The following PTPRT variants were observed in gnomAD, a reference collection of about 807,000 sequenced individuals.
PTPRT encodes receptor-type tyrosine-protein phosphatase T.
PTPRT carries 56 observed loss-of-function variants against 176.8 expected under a neutral mutation model. The observed-to-expected ratio is 0.32, with a 90% CI of 0.26 to 0.40. The LOEUF (loss-of-function observed/expected upper bound fraction) is 0.40. PTPRT is among the 10% of genes least tolerant of loss of function. The pLI, the probability that PTPRT is intolerant of heterozygous loss-of-function variation, is 1.00. For missense variants in PTPRT, 1,540 were observed against 1,908.2 expected (o/e 0.81, Z 3.60); for synonymous variants, 783 against 739.0 (o/e 1.06, Z -0.96).
At chr20:43,115,304 C>A (rs937810428) in intron 1 of PTPRT, among the ~76,000 whole-genome samples, 1 of 152,222 alleles carries the variant, frequency 6.6e-6, no homozygotes, top group African/African-American at 2.4e-5. Context: ...AGACCTTCAG[C>A]TGGGGAGCAA....
intron 7 of PTPRT, among the ~76,000 whole-genome samples, chr20:42,633,939 TAA>T (rs2074490292): frequency 3.8e-5 from 2 of 52,716 alleles, no homozygotes; most frequent in African/African-American, 7.6e-5. Context: ...TATAATAATA[TAA>T]TATAATATAT....
At chr20:43,165,192 CTT>C (rs2014823367) in intron 1 of PTPRT, among the ~76,000 whole-genome samples, 1 of 145,398 alleles carries the variant, frequency 6.9e-6, no homozygotes, top group Non-Finnish European at 1.5e-5. Flanking sequence ...GAGTTTTGCT[CTT>C]GTCACCCAGG....
chr20:42,032,379 T>C, the PTPRT span, among the ~76,000 whole-genome samples: 1 of 152,138 alleles, frequency 6.6e-6, no homozygotes, highest in African/African-American at 2.4e-5. Flanking sequence ...CGAACAAACT[T>C]ATTTCAAGGA....
intron 11 of PTPRT, among the ~76,000 whole-genome samples, chr20:42,323,394 A>C (rs2057832931): frequency 6.6e-6 from 1 of 152,196 alleles, no homozygotes; most frequent in African/African-American, 2.4e-5. Flanking sequence ...GATTAAGAAA[A>C]TGTGGCACAT....
chr20:42,681,655 C>A (rs1315475937), intron 6 of PTPRT, among the ~76,000 whole-genome samples: 5 of 152,286 alleles, frequency 3.3e-5, no homozygotes, highest in South Asian at 4.1e-4. Context: ...GGCACAGACA[C>A]AATCTTGGCT....
intron 7 of PTPRT, among the ~76,000 whole-genome samples, chr20:42,506,822 C>T (rs907000092): frequency 7.9e-5 from 12 of 152,028 alleles, no homozygotes; most frequent in African/African-American, 2.9e-4. Context: ...TGTACTTTTC[C>T]CTGCTGGGAT....
chr20:42,587,926 G>A (rs575246519), intron 7 of PTPRT, among the ~76,000 whole-genome samples: 1 of 152,242 alleles, frequency 6.6e-6, no homozygotes, highest in African/African-American at 2.4e-5. Flanking sequence ...GCCTTCTGAA[G>A]AAACCATTTA....
chr20:43,019,419 C>G (rs926417379), intron 1 of PTPRT, among the ~76,000 whole-genome samples: 8 of 151,872 alleles, frequency 5.3e-5, no homozygotes, highest in Admixed American at 3.9e-4. Flanking sequence ...AGGAGATTGA[C>G]ACCATCCTGG....
intron 5 of PTPRT, among the ~76,000 whole-genome samples, chr20:42,758,777 T>C (rs1207561812): frequency 1.3e-5 from 2 of 152,196 alleles, no homozygotes; most frequent in Non-Finnish European, 1.5e-5. Flanking sequence ...CTCTGCAGCT[T>C]CCAAGCTATG....
intron 4 of PTPRT, among the ~76,000 whole-genome samples, chr20:42,771,871 G>A (rs150965419): frequency 3.9e-5 from 6 of 152,204 alleles, no homozygotes; most frequent in African/African-American, 1.4e-4. Context: ...GAACCAGGAC[G>A]TGAATTTAGA....
intron 5 of PTPRT, among the ~76,000 whole-genome samples, chr20:42,756,951 T>C (rs1281363486): frequency 1.4e-5 from 2 of 147,614 alleles, no homozygotes; most frequent in Non-Finnish European, 3.0e-5. Flanking sequence ...CTCTGGAGGG[T>C]GAGGAAGGAG....
intron 9 of PTPRT, among the ~76,000 whole-genome samples, chr20:42,389,862 A>AG (rs544798515): frequency 9.8e-6 from 1 of 102,508 alleles, no homozygotes. Flanking sequence ...CAAAAAAAAA[A>AG]AAAAAAAGAA....
chr20:42,240,518 A>G lies in PTPRT; in HGVS notation c.2313-4260T>C, dbSNP rs186408171. Among the ~76,000 whole-genome samples the G allele has an allele frequency of 9.8e-5, 15 of 152,332 alleles. No individual in the cohort carries two copies. In the East Asian group the frequency reaches 2.5e-3, roughly 25 times the overall value. On this transcript the variant is annotated intron_variant, in intron 14 of 30. Transcript: ENST00000373187. Reference sequence around the variant, plus strand: ...CATACTGCAGAACCTTTTTTCAGCTAGCTCACAAGATTGACTTCAGGCACA... The same window carrying G: ...CATACTGCAGAACCTTTTTTCAGCTGGCTCACAAGATTGACTTCAGGCACA...
At chr20:43,125,920 T>C (rs79764252) in intron 1 of PTPRT, among the ~76,000 whole-genome samples, 97 of 152,322 alleles carry the variant, frequency 6.4e-4, no homozygotes, top group African/African-American at 2.2e-3. Flanking sequence ...GGTAATTTAA[T>C]CAAATAGGTT....
At chr20:42,384,506 C>T (rs575284483) in intron 9 of PTPRT, among the ~76,000 whole-genome samples, 2 of 152,254 alleles carry the variant, frequency 1.3e-5, no homozygotes, top group Non-Finnish European at 2.9e-5. Context: ...TCGATTCATT[C>T]ACCAGTGGGC....
rs547420753 is a variant in PTPRT at position 42,536,890 on chromosome 20, C to T, written c.1154-64328G>A. The stretch of plus-strand genomic sequence containing the variant: ...GGCAAGACCTATATCTAAAGCACTA[C>T]TTCTAGATAGACAGCTATCAAGAGC... On this transcript the variant is annotated intron_variant, in intron 7 of 30. Coordinates refer to ENST00000373187, the MANE Select transcript of PTPRT (RefSeq NM_007050.6). Among the ~76,000 whole-genome samples, 153 of 152,286 alleles carry T rather than the reference C, an allele frequency of 1.0e-3. 3 individuals carry two copies. Among genetic ancestry groups the T allele is most frequent in the African/African-American group, 1.8e-3 (73 of 41,560 alleles).
At chr20:42,239,738 G>T (rs2056317015) in intron 14 of PTPRT, among the ~76,000 whole-genome samples, 1 of 152,050 alleles carries the variant, frequency 6.6e-6, no homozygotes, top group East Asian at 1.9e-4. Flanking sequence ...TCATGTTCTT[G>T]ACCTCAAGCC....
intron 8 of PTPRT, among the ~76,000 whole-genome samples, chr20:42,451,287 A>G (rs1037805740): frequency 1.1e-4 from 16 of 152,198 alleles, no homozygotes; most frequent in African/African-American, 3.9e-4. Context: ...TTTGTTTTAC[A>G]CAACTGGGGG....
chr20:42,541,301 G>T (rs1226359441), intron 7 of PTPRT, among the ~76,000 whole-genome samples: 1 of 151,924 alleles, frequency 6.6e-6, no homozygotes, highest in Admixed American at 6.6e-5. Flanking sequence ...GTGAAGGTGG[G>T]TGTTGGGGGT....
Sources: allele counts gnomAD v4.1 joint callset (sites outside exome capture counted in the v4.1 genomes callset), GRCh38; gene constraint gnomAD v4.1.1; transcripts MANE v1.5; gene names NCBI Gene and HGNC (gene_info 2026-07-23, HGNC 2026-07-21).